USP34: variants seen among roughly 807,000 people sequenced by gnomAD.
The protein encoded by USP34 is ubiquitin carboxyl-terminal hydrolase 34.
Under a neutral mutation model 460.3 loss-of-function variants are expected in USP34, and 70 were observed. The ratio of observed to expected loss-of-function variants is 0.15; its 90% CI spans 0.13 to 0.19. USP34 has a LOEUF of 0.19. USP34 is among the 10% of genes least tolerant of loss of function. The pLI is 1.00. For missense variants in USP34, 3,985 were observed against 4,236.2 expected, an observed-to-expected ratio of 0.94 and a Z score of 1.65; for synonymous variants, 1,647 against 1,405.3, an observed-to-expected ratio of 1.17 and a Z score of -3.85.
At chr2:61,200,584 C>A (rs1686946426) in intron 75 of USP34, 1 of 152,248 alleles carries the variant, frequency 6.6e-6, no homozygotes, top group African/African-American at 2.4e-5. Context: ...AAATGACTTG[C>A]AATCCATTAT....
chr2:61,345,806 T>C (rs956594450), intron 15 of USP34, among the ~76,000 whole-genome samples: 3 of 152,154 alleles, frequency 2.0e-5, no homozygotes, highest in Non-Finnish European at 4.4e-5. Flanking sequence ...GGCTAGTGTT[T>C]TTAATATTTT....
At chr2:61,411,509 G>C (rs1024352874) in intron 2 of USP34, among the ~76,000 whole-genome samples, 1 of 152,068 alleles carries the variant, frequency 6.6e-6, no homozygotes, top group Non-Finnish European at 1.5e-5. Flanking sequence ...CAAAGCGAAA[G>C]ATTGAAATAT....
chr2:61,228,538 G>C, intron 61 of USP34, 107 bp downstream of exon 61: 1 of 891,910 alleles, frequency 1.1e-6, no homozygotes, highest in South Asian at 1.9e-5. Flanking sequence ...TCTAACACCA[G>C]GTTCCAGAAG....
At chr2:61,309,900 A>G (rs1339672802) in intron 27 of USP34, among the ~76,000 whole-genome samples, 3 of 152,168 alleles carry the variant, frequency 2.0e-5, no homozygotes, top group Non-Finnish European at 4.4e-5. Flanking sequence ...GGGAAGGTTT[A>G]TAACTTGTCA....
intron 27 of USP34, among the ~76,000 whole-genome samples, chr2:61,305,555 A>G (rs771392207): frequency 4.6e-5 from 7 of 152,178 alleles, no homozygotes; most frequent in Non-Finnish European, 8.8e-5. Flanking sequence ...ACCTTAACCA[A>G]TAGCATAGAA....
rs1688262205 is a variant in USP34, at chr2:61,241,632, A to G, written c.6705T>C (p.Phe2235=). 18 of 1,608,496 alleles carry G rather than the reference A, an allele frequency of 1.1e-5. No homozygotes were observed. In the East Asian group the frequency reaches 4.0e-4, roughly 36 times the overall value. The part of the protein sequence containing the change: ...FEKTHSAYML[F]YKRMEPEEEN... ...CTTCCTCTGGTTCCATGCGTTTGTA[A>G]AACAGCATATATGCACTGTGTGTCT... Residue 2235 remains phenylalanine (F), a synonymous_variant, in exon 53 of 80, where the codon TTT becomes TTC. Coordinates refer to ENST00000398571, the MANE Select transcript of USP34 (RefSeq NM_014709.4).
At chr2:61,259,665 C>T (rs1406552671) in intron 44 of USP34, 46 bp downstream of exon 44, 1 of 1,580,830 alleles carries the variant, frequency 6.3e-7, no homozygotes, top group Non-Finnish European at 8.6e-7. Flanking sequence ...TAATTACAGG[C>T]ATGAGCCACA....
At chr2:61,255,610 TA>T (rs1688703906) in intron 48 of USP34, among the ~76,000 whole-genome samples, 1 of 152,194 alleles carries the variant, frequency 6.6e-6, no homozygotes, top group South Asian at 2.1e-4. Flanking sequence ...GCTTGCTAAA[TA>T]AAAAATACTT....
chr2:61,470,555 C>T (rs1695924576), intron 1 of USP34, 95 bp downstream of exon 1: 12 of 834,754 alleles, frequency 1.4e-5, no homozygotes, highest in Non-Finnish European at 2.3e-5. Flanking sequence ...GCCCGGCCGT[C>T]GCCTCCCGCA....
rs79061556 is a variant in USP34, at chr2:61,293,666, T to C, written c.4462-116A>G. ...TACGTATCTTTTATTTACACTACTA[T>C]TCATTTAAATTACCAAAATAATTTC... On this transcript the variant is annotated intron_variant, in intron 32 of 79. Transcript: ENST00000398571. 978 of 658,702 alleles carry C rather than the reference T, an allele frequency of 1.5e-3. 8 individuals carry two copies. The African/African-American group carries it at 0.017, about 11-fold the overall frequency. The allele number at this position is 658,702 out of a possible 1,614,324, so 40.8% of individuals were successfully genotyped here. A position where few individuals can be genotyped will look rare whatever the true frequency, so the allele number is the denominator to read the frequency against.
chr2:61,427,645 G>T (rs1460445785), intron 1 of USP34, among the ~76,000 whole-genome samples: 1 of 152,184 alleles, frequency 6.6e-6, no homozygotes, highest in African/African-American at 2.4e-5. Context: ...ATTAAAACAT[G>T]TAAGAAGACT....
At chr2:61,324,086 A>T (rs1439242660) in intron 21 of USP34, among the ~76,000 whole-genome samples, 1 of 152,230 alleles carries the variant, frequency 6.6e-6, no homozygotes, top group East Asian at 1.9e-4. Context: ...TATTAACCAC[A>T]GTTAAAGAGA....
Position 61,470,891 on chromosome 2 carries a change from G to A in USP34, c.-199C>T, listed in dbSNP as rs1365851417. ...CCGGCGGTCCCCGCAGCGGGAGGGG[G>A]AGAGGAGGGGAGCGAGGGGAGGTGC... On this transcript the variant is annotated 5_prime_UTR_variant, in exon 1 of 80. Coordinates refer to ENST00000398571, the MANE Select transcript of USP34 (RefSeq NM_014709.4). The A allele has an allele frequency of 7.7e-5, 20 of 260,948 alleles. No homozygotes were observed. In the East Asian group the frequency reaches 1.2e-3, roughly 15 times the overall value. The allele number at this position is 260,948 out of a possible 1,614,324, so 16.2% of individuals were successfully genotyped here. A position where few individuals can be genotyped will look rare whatever the true frequency, so the allele number is the denominator to read the frequency against.
chr2:61,439,121 C>T (rs976120872), intron 1 of USP34, among the ~76,000 whole-genome samples: 2 of 152,094 alleles, frequency 1.3e-5, no homozygotes, highest in African/African-American at 4.8e-5. Flanking sequence ...AAGTGAAAGA[C>T]CTAAAAACAG....
intron 49 of USP34, 34 bp from the exon 50 acceptor site, chr2:61,246,511 C>A: frequency 7.1e-7 from 1 of 1,408,784 alleles, no homozygotes. Context: ...AAATAATTTT[C>A]CAAACTTCAC....
chr2:61,329,244 C>T (rs1197522899), intron 20 of USP34, among the ~76,000 whole-genome samples: 4 of 151,662 alleles, frequency 2.6e-5, no homozygotes, highest in African/African-American at 9.7e-5. Context: ...CAGGCTGGTC[C>T]GGAACTCCCA....
At chr2:61,335,760 A>C (rs1029586430) in intron 18 of USP34, among the ~76,000 whole-genome samples, 19 of 152,194 alleles carry the variant, frequency 1.2e-4, no homozygotes, top group Admixed American at 1.2e-3. Context: ...GAGAAGATAA[A>C]GGTTCAATGA....
chr2:61,190,732 G>GA (rs1686614958), intron 76 of USP34, 74 bp from the exon 77 acceptor site: 6 of 1,516,014 alleles, frequency 4.0e-6, no homozygotes, highest in Non-Finnish European at 2.7e-6. Flanking sequence ...AACTTACACA[G>GA]AAAAAACATA....
rs539176073 is a variant in USP34 at position 61,204,196 on chromosome 2, G to A, written c.9384+60C>T. The A allele has an allele frequency of 2.5e-6, 4 of 1,604,504 alleles. No individual in the cohort carries two copies. The East Asian group carries it at 8.9e-5, about 36-fold the overall frequency. On this transcript the variant is annotated intron_variant, in intron 74 of 79. Coordinates refer to ENST00000398571, the MANE Select transcript of USP34 (RefSeq NM_014709.4). ...TCTAACCTATTCATAACTGCCAGGG[G>A]AAAAATTTCAAATTACTTTGTACTA...
Sources: gnomAD v4.1 joint callset for allele counts (sites outside exome capture counted in the v4.1 genomes callset) on GRCh38, gnomAD v4.1.1 for gene constraint, MANE v1.5 for transcripts, NCBI Gene and HGNC (gene_info 2026-07-23, HGNC 2026-07-21) for gene names.